Variants in SPTLC3 observed in about 807,000 individuals in gnomAD.
The protein encoded by SPTLC3 is serine palmitoyltransferase long chain base subunit 3, also known as serine palmitoyltransferase 3.
SPTLC3 carries 36 observed loss-of-function variants against 59.3 expected under a neutral mutation model. The observed-to-expected ratio is 0.61, with a 90% confidence interval of 0.47 to 0.80. SPTLC3 has a LOEUF of 0.80. Ranked by LOEUF, SPTLC3 falls within the 30% of genes least tolerant of loss-of-function variation. The pLI is 0.00. For synonymous variants in SPTLC3, 257 were observed against 240.8 expected, an observed-to-expected ratio of 1.07 and a Z score of -0.62; for missense variants, 625 against 685.1, an observed-to-expected ratio of 0.91 and a Z score of 0.98.
chr20:13,083,402 T>C (rs536338083), intron 4 of SPTLC3, among the ~76,000 whole-genome samples: 1 of 152,330 alleles, frequency 6.6e-6, no homozygotes, highest in South Asian at 2.1e-4. Flanking sequence ...TAGGGGCCTA[T>C]GTATTAATCT....
chr20:13,126,559 C>T, intron 8 of SPTLC3, 32 bp from the exon 9 acceptor site: 5 of 1,610,566 alleles, frequency 3.1e-6, no homozygotes, highest in African/African-American at 1.3e-5. Context: ...GATTTATTTG[C>T]CTTCTTTTTG....
At chr20:13,072,918 G>A (rs1355403636) in intron 3 of SPTLC3, among the ~76,000 whole-genome samples, 1 of 152,088 alleles carries the variant, frequency 6.6e-6, no homozygotes, top group African/African-American at 2.4e-5. Flanking sequence ...CCATTTTTTG[G>A]TAACAACTTT....
chr20:13,044,189 T>A (rs1488568320), intron 1 of SPTLC3, among the ~76,000 whole-genome samples: 2 of 151,638 alleles, frequency 1.3e-5, no homozygotes, highest in Non-Finnish European at 1.5e-5. Context: ...AACCTCTGCC[T>A]CCTGGGTTCA....
chr20:13,119,944 G>A (rs935420702), intron 8 of SPTLC3, among the ~76,000 whole-genome samples: 2 of 152,098 alleles, frequency 1.3e-5, no homozygotes, highest in South Asian at 2.1e-4. Flanking sequence ...GCTTCCTTTC[G>A]GCTTAATGAG....
intron 4 of SPTLC3, among the ~76,000 whole-genome samples, chr20:13,088,882 C>T (rs62203593): frequency 6.6e-6 from 1 of 151,172 alleles, no homozygotes; most frequent in African/African-American, 2.4e-5. Context: ...CTGCCCGCCT[C>T]AGTCTCCCAA....
In SPTLC3 at chr20:13,058,721, T is replaced by C. The variant is rs752968473; in HGVS notation, c.303+9591T>C. ...TCTGGGGATCATGTTAAAATGCAGA[T>C]TCTGCTTCAATGGTTTTGGGTGGGG... On this transcript the variant is annotated intron_variant, in intron 2 of 11. Coordinates refer to ENST00000399002, the MANE Select transcript of SPTLC3 (RefSeq NM_018327.4). Among the ~76,000 whole-genome samples, 137 of 152,286 alleles carry C rather than the reference T, an allele frequency of 9.0e-4. No individual in the cohort carries two copies. The Middle Eastern group carries it at 0.024, about 26-fold the overall frequency.
chr20:13,104,493 C>T (rs756802840), intron 6 of SPTLC3, among the ~76,000 whole-genome samples: 3 of 152,178 alleles, frequency 2.0e-5, no homozygotes, highest in Non-Finnish European at 4.4e-5. Flanking sequence ...TCCCCAGCCA[C>T]GTGGAGCTGT....
At chr20:13,013,354 T>A (rs6078878) in intron 1 of SPTLC3, among the ~76,000 whole-genome samples, 17 of 152,050 alleles carry the variant, frequency 1.1e-4, no homozygotes, top group Admixed American at 3.3e-4. Flanking sequence ...GGTAGCTGCC[T>A]GACAGCCGTG....
intron 9 of SPTLC3, among the ~76,000 whole-genome samples, chr20:13,147,861 G>A (rs1411269760): frequency 6.6e-6 from 1 of 152,088 alleles, no homozygotes; most frequent in Non-Finnish European, 1.5e-5. Context: ...TTCAAGCCTG[G>A]GAAATAGTAA....
intron 8 of SPTLC3, 26 bp downstream of exon 8, chr20:13,117,751 T>C: frequency 6.3e-7 from 1 of 1,581,098 alleles, no homozygotes; most frequent in African/African-American, 1.4e-5. Context: ...CTTGTGTCTG[T>C]TTAAAACCTG....
chr20:13,157,044 AT>A (rs2122977117), intron 10 of SPTLC3, among the ~76,000 whole-genome samples: 1 of 152,292 alleles, frequency 6.6e-6, no homozygotes, highest in East Asian at 1.9e-4. Context: ...AGTACTAAAT[AT>A]ATGCTAAGTA....
intron 10 of SPTLC3, among the ~76,000 whole-genome samples, chr20:13,154,752 T>C (rs981864191): frequency 2.0e-5 from 3 of 152,218 alleles, no homozygotes; most frequent in African/African-American, 7.2e-5. Flanking sequence ...ATTGCAACTT[T>C]GAAACAGCAT....
chr20:13,126,502 A>G (rs890357557), intron 8 of SPTLC3, 89 bp from the exon 9 acceptor site: 76 of 1,456,372 alleles, frequency 5.2e-5, no homozygotes, highest in Non-Finnish European at 6.9e-5. Context: ...GTCTTTTGCT[A>G]TGAGGATAGG....
At chr20:13,028,399 T>C (rs1986263739) in intron 1 of SPTLC3, among the ~76,000 whole-genome samples, 1 of 152,100 alleles carries the variant, frequency 6.6e-6, no homozygotes, top group Non-Finnish European at 1.5e-5. Context: ...AATTATATTG[T>C]ACCAAAGTTT....
At chr20:13,039,388 T>A (rs888424301) in intron 1 of SPTLC3, among the ~76,000 whole-genome samples, 2 of 152,100 alleles carry the variant, frequency 1.3e-5, no homozygotes, top group Non-Finnish European at 2.9e-5. Flanking sequence ...CAGCAACAGT[T>A]TTGTTTTAAA....
At chr20:13,089,796 A>AGG (rs1418287524) in intron 4 of SPTLC3, among the ~76,000 whole-genome samples, 2 of 144,698 alleles carry the variant, frequency 1.4e-5, no homozygotes, top group South Asian at 2.2e-4. Context: ...AAAAAAAAAA[A>AGG]AAAAAAAACA....
At chr20:13,078,708 A>G (rs902146525) in intron 4 of SPTLC3, among the ~76,000 whole-genome samples, 1 of 152,012 alleles carries the variant, frequency 6.6e-6, no homozygotes. Flanking sequence ...AATAGCCATT[A>G]TTTGTAGATG....
intron 5 of SPTLC3, 75 bp downstream of exon 5, chr20:13,091,282 A>C: frequency 6.4e-7 from 1 of 1,558,678 alleles, no homozygotes; most frequent in Admixed American, 1.7e-5. Context: ...TCCTTGTTAG[A>C]AGTATGGCTG....
chr20:13,168,823 G>T lies in SPTLC3; in HGVS notation c.*3956G>T, dbSNP rs1016032937. ...CTCAAAACAGTAAGAACAATTTGAA[G>T]TCTGTTCTTTAGAATGCCCTACTCA... On this transcript the variant is annotated 3_prime_UTR_variant, in exon 12 of 12. Coordinates refer to ENST00000399002, the MANE Select transcript of SPTLC3 (RefSeq NM_018327.4). The T allele has an allele frequency of 6.6e-6, 1 of 152,140 alleles. No homozygotes were observed. The highest frequency in any genetic ancestry group is 2.4e-5 in the African/African-American group (1 of 41,426). The allele number at this position is 152,140 out of a possible 1,614,324, so 9.4% of individuals were successfully genotyped here. A position where few individuals can be genotyped will look rare whatever the true frequency, so the allele number is the denominator to read the frequency against.
Sources: gnomAD v4.1 joint callset for allele counts (sites outside exome capture counted in the v4.1 genomes callset) on GRCh38, gnomAD v4.1.1 for gene constraint, MANE v1.5 for transcripts, NCBI Gene and HGNC (gene_info 2026-07-23, HGNC 2026-07-21) for gene names.